Variants in CNTNAP2 observed in about 807,000 individuals in gnomAD.
CNTNAP2 encodes the protein contactin-associated protein-like 2.
A neutral mutation model predicts 155.2 loss-of-function variants in CNTNAP2; 98 were observed. The ratio of observed to expected loss-of-function variants is 0.63; its 90% CI spans 0.54 to 0.75. The LOEUF (loss-of-function observed/expected upper bound fraction) is 0.75. Ranked by LOEUF, CNTNAP2 falls within the 30% of genes least tolerant of loss-of-function variation. The probability of loss-of-function intolerance (pLI) is 0.00; values close to 1 mark genes in which losing one functional copy is unlikely to be tolerated. For synonymous variants in CNTNAP2, 651 were observed against 631.2 expected, an observed-to-expected ratio of 1.03 and a Z score of -0.47; for missense variants, 1,727 against 1,688.1, an observed-to-expected ratio of 1.02 and a Z score of -0.40.
At chr7:147,668,321 G>GA (rs1385313123) in intron 13 of CNTNAP2, among the ~76,000 whole-genome samples, 1 of 152,136 alleles carries the variant, frequency 6.6e-6, no homozygotes, top group Non-Finnish European at 1.5e-5. Flanking sequence ...CTACTGATAA[G>GA]AAAATCTATG....
chr7:148,182,003 C>A (rs1037574669), intron 18 of CNTNAP2, among the ~76,000 whole-genome samples: 2 of 151,654 alleles, frequency 1.3e-5, no homozygotes, highest in Non-Finnish European at 2.9e-5. Context: ...GTGATCCGCC[C>A]GCCTCAGCCT....
intron 1 of CNTNAP2, among the ~76,000 whole-genome samples, chr7:146,749,599 A>G (rs1176692879): frequency 6.6e-6 from 1 of 152,230 alleles, no homozygotes; most frequent in Non-Finnish European, 1.5e-5. Flanking sequence ...AAATGTCACT[A>G]TGTTTTACAA....
chr7:147,967,168 C>G (rs568258839), intron 14 of CNTNAP2, among the ~76,000 whole-genome samples: 1 of 152,194 alleles, frequency 6.6e-6, no homozygotes, highest in Middle Eastern at 3.4e-3. Context: ...GTAAGGAACT[C>G]CTGTTTAGGG....
chr7:148,122,822 C>T (rs1056161972), intron 16 of CNTNAP2, among the ~76,000 whole-genome samples: 3 of 151,228 alleles, frequency 2.0e-5, no homozygotes, highest in African/African-American at 4.9e-5. Flanking sequence ...GCACTCCAGC[C>T]TGGGTGACAG....
intron 3 of CNTNAP2, among the ~76,000 whole-genome samples, chr7:146,895,936 A>G (rs1795869124): frequency 6.6e-6 from 1 of 152,118 alleles, no homozygotes; most frequent in Non-Finnish European, 1.5e-5. Flanking sequence ...GGATTATTAT[A>G]AAATATTGCA....
At chr7:148,172,594 A>C in intron 18 of CNTNAP2, 116 bp downstream of exon 18, 1 of 977,534 alleles carries the variant, frequency 1.0e-6, no homozygotes, top group Non-Finnish European at 1.6e-6. Flanking sequence ...TAAGATGATC[A>C]GAATTTTTCT....
At chr7:148,106,815 T>C (rs1804233925) in intron 15 of CNTNAP2, among the ~76,000 whole-genome samples, 1 of 152,174 alleles carries the variant, frequency 6.6e-6, no homozygotes, top group South Asian at 2.1e-4. Context: ...AAAGATTCAG[T>C]CTTGTTATTC....
chr7:147,011,207 A>T (rs774846715), intron 3 of CNTNAP2, among the ~76,000 whole-genome samples: 5 of 152,010 alleles, frequency 3.3e-5, no homozygotes, highest in Non-Finnish European at 7.4e-5. Context: ...TGAGGTCATC[A>T]GTTCAGGACC....
chr7:148,418,568 T>G lies in CNTNAP2; in HGVS notation c.*2952T>G, dbSNP rs1209747469. ...TTTGAAAAAAGCTAGGAGATGACTTTGAATGAATGCAAGGTTAGTGAGATC... is the reference window on the plus strand; with the variant it reads ...TTTGAAAAAAGCTAGGAGATGACTTGGAATGAATGCAAGGTTAGTGAGATC... On this transcript the variant is annotated 3_prime_UTR_variant, in exon 24 of 24. Transcript: ENST00000361727. 1 of 152,012 alleles carries G rather than the reference T, an allele frequency of 6.6e-6. No homozygotes were observed. The highest frequency in any genetic ancestry group is 1.5e-5 in the Non-Finnish European group (1 of 68,032). 9.4% of individuals were successfully genotyped at this position (152,012 alleles called of 1,614,324 possible).
chr7:147,038,659 C>T (rs867634080), intron 3 of CNTNAP2, among the ~76,000 whole-genome samples: 1 of 152,144 alleles, frequency 6.6e-6, no homozygotes, highest in Non-Finnish European at 1.5e-5. Flanking sequence ...TGGTAGCTGT[C>T]CTGCTGTTCT....
intron 14 of CNTNAP2, among the ~76,000 whole-genome samples, chr7:147,948,675 G>T (rs1242751544): frequency 2.0e-5 from 3 of 149,874 alleles, no homozygotes; most frequent in Non-Finnish European, 4.4e-5. Flanking sequence ...ATATGTGTGT[G>T]TGTGTATATA....
At chr7:146,285,012 A>G (rs1800304536) in intron 1 of CNTNAP2, among the ~76,000 whole-genome samples, 2 of 152,200 alleles carry the variant, frequency 1.3e-5, no homozygotes, top group African/African-American at 4.8e-5. Flanking sequence ...TCTAATATAC[A>G]GATTCTCTGC....
At chr7:147,942,138 T>C (rs1203357299) in intron 14 of CNTNAP2, among the ~76,000 whole-genome samples, 1 of 152,280 alleles carries the variant, frequency 6.6e-6, no homozygotes, top group African/African-American at 2.4e-5. Flanking sequence ...AGGGCTCACA[T>C]CAGGTCTAGA....
intron 15 of CNTNAP2, among the ~76,000 whole-genome samples, chr7:148,116,590 A>C (rs1295168818): frequency 6.6e-6 from 1 of 152,212 alleles, no homozygotes; most frequent in Non-Finnish European, 1.5e-5. Context: ...ATCTTTTAAC[A>C]TGCCTGGGGA....
At chr7:147,543,518 A>G (rs851823) in intron 11 of CNTNAP2, among the ~76,000 whole-genome samples, 73,829 of 152,112 alleles carry the variant, frequency 0.49, 18,074 homozygotes, top group East Asian at 0.61. Context: ...GATTAATGTG[A>G]AAGTTTTTTC....
intron 1 of CNTNAP2, among the ~76,000 whole-genome samples, chr7:146,430,703 A>G (rs1436523811): frequency 6.6e-6 from 1 of 152,016 alleles, no homozygotes; most frequent in East Asian, 1.9e-4. Flanking sequence ...GTGATTACCA[A>G]TCTACTTGAT....
rs532428541 is a variant in CNTNAP2, at chr7:146,936,628, TTAA to T, written c.402+96727_402+96729del. 7.2e-4 allele frequency among the ~76,000 whole-genome samples: 109 copies of T among 152,320 alleles called. 1 individual carries two copies. Among genetic ancestry groups the T allele is most frequent in the Middle Eastern group, 3.4e-3 (1 of 294 alleles). On this transcript the variant is annotated intron_variant, in intron 3 of 23. Transcript: ENST00000361727. ...CCTTGTGGATGAACCATAACCTAAC[TTAA>T]TAGGTAGACAAGATTGAAAACCTGA...
At chr7:147,402,953 A>T (rs1015326145) in intron 10 of CNTNAP2, among the ~76,000 whole-genome samples, 1 of 103,332 alleles carries the variant, frequency 9.7e-6, no homozygotes, top group South Asian at 3.5e-4. Context: ...AATAATCCTG[A>T]AAAAAAAAAA....
chr7:147,415,523 G>A (rs1048016976), intron 10 of CNTNAP2, among the ~76,000 whole-genome samples: 3 of 152,132 alleles, frequency 2.0e-5, no homozygotes, highest in South Asian at 4.2e-4. Flanking sequence ...CCTTCCTGCC[G>A]CCTTCTGAAG....
Sources: allele counts gnomAD v4.1 joint callset (sites outside exome capture counted in the v4.1 genomes callset), GRCh38; gene constraint gnomAD v4.1.1; transcripts MANE v1.5; gene names NCBI Gene and HGNC (gene_info 2026-07-23, HGNC 2026-07-21).